Variants in GSK3B observed in about 807,000 individuals in gnomAD.
The protein encoded by GSK3B is glycogen synthase kinase-3 beta.
In GSK3B, 15 loss-of-function variants were observed where a neutral mutation model predicts 56.4. The ratio of observed to expected loss-of-function variants is 0.27; its 90% CI spans 0.18 to 0.41. The LOEUF (loss-of-function observed/expected upper bound fraction) is 0.41. Among genes scored for constraint, GSK3B ranks in the 10% least tolerant of loss-of-function variants. The pLI is 1.00. For missense variants in GSK3B, 300 were observed against 513.4 expected (o/e 0.58, Z 4.02); for synonymous variants, 181 against 188.9 (o/e 0.96, Z 0.34).
intron 1 of GSK3B, among the ~76,000 whole-genome samples, chr3:120,087,441 A>C (rs956817409): frequency 5.3e-5 from 8 of 152,086 alleles, no homozygotes; most frequent in Non-Finnish European, 1.0e-4. Flanking sequence ...CTGAGGCAGG[A>C]AAATCGCTTG....
chr3:119,863,709 G>A, intron 8 of GSK3B, 104 bp from the exon 9 acceptor site: 1 of 715,898 alleles, frequency 1.4e-6, no homozygotes, highest in East Asian at 2.7e-5. Flanking sequence ...CAGAAACATG[G>A]TTGCATTTGG....
chr3:119,965,393 G>A (rs1367327872), intron 2 of GSK3B, among the ~76,000 whole-genome samples: 1 of 147,692 alleles, frequency 6.8e-6, no homozygotes, highest in African/African-American at 2.5e-5. Context: ...ATAGAGACAA[G>A]GTCTCTATAA....
At chr3:119,831,817 A>G (rs2055605773) in intron 10 of GSK3B, among the ~76,000 whole-genome samples, 1 of 152,220 alleles carries the variant, frequency 6.6e-6, no homozygotes, top group Non-Finnish European at 1.5e-5. Context: ...CCTATAAACC[A>G]ATGCCCATTA....
intron 9 of GSK3B, among the ~76,000 whole-genome samples, chr3:119,861,455 G>A (rs557882664): frequency 8.0e-5 from 12 of 150,766 alleles, no homozygotes; most frequent in African/African-American, 2.7e-4. Context: ...AGGTTGCAGC[G>A]AGCCGGTATC....
At chr3:119,832,997 G>A in intron 10 of GSK3B, 1 of 983,206 alleles carries the variant, frequency 1.0e-6, no homozygotes, top group African/African-American at 1.7e-5. Flanking sequence ...ATCTGTAAGA[G>A]TTGGCTAGAT....
chr3:119,954,708 T>C (rs1201311120), intron 2 of GSK3B, among the ~76,000 whole-genome samples: 2 of 152,178 alleles, frequency 1.3e-5, no homozygotes, highest in Non-Finnish European at 2.9e-5. Context: ...CCAATACTCA[T>C]TAACATATAT....
At chr3:119,877,249 G>A (rs909012921) in intron 7 of GSK3B, among the ~76,000 whole-genome samples, 1 of 152,016 alleles carries the variant, frequency 6.6e-6, no homozygotes, top group South Asian at 2.1e-4. Context: ...GTTCAGTATA[G>A]CCAAAGATTA....
intron 2 of GSK3B, among the ~76,000 whole-genome samples, chr3:119,967,608 A>C (rs1275131397): frequency 6.6e-6 from 1 of 152,196 alleles, no homozygotes; most frequent in East Asian, 1.9e-4. Context: ...TAGCCAACAG[A>C]TTTTGACAAG....
In GSK3B at chr3:119,821,901, T is replaced by C. The variant is rs189438302; in HGVS notation, c.*4887A>G. ...ACTACATATTGCAGCGGCAAAATAG[T>C]AGGGTGAAGGAAGAGGGTTGGGTAC... On this transcript the variant is annotated 3_prime_UTR_variant, in exon 11 of 11. Transcript: ENST00000264235. 193 of 175,892 alleles carry C rather than the reference T, an allele frequency of 1.1e-3. 1 individual carries two copies. The highest frequency in any genetic ancestry group is 2.4e-3 in the South Asian group (12 of 5,028). 10.9% of individuals were successfully genotyped at this position (175,892 alleles called of 1,614,324 possible).
chr3:120,062,811 T>G (rs929024826), intron 1 of GSK3B, among the ~76,000 whole-genome samples: 1 of 152,178 alleles, frequency 6.6e-6, no homozygotes, highest in African/African-American at 2.4e-5. Context: ...CATAATTGAT[T>G]ACAACAATAA....
chr3:119,988,192 C>T (rs565507237), intron 2 of GSK3B, among the ~76,000 whole-genome samples: 1 of 152,320 alleles, frequency 6.6e-6, no homozygotes, highest in African/African-American at 2.4e-5. Context: ...TTGAGCATGA[C>T]AGGAATTAAT....
At chr3:120,053,102 C>T (rs1337513119) in intron 1 of GSK3B, among the ~76,000 whole-genome samples, 6 of 152,128 alleles carry the variant, frequency 3.9e-5, no homozygotes, top group Non-Finnish European at 5.9e-5. Flanking sequence ...TTTGGGAGGC[C>T]GAGGTGGGTG....
At chr3:119,857,212 ATT>A (rs1323105255) in intron 9 of GSK3B, among the ~76,000 whole-genome samples, 1 of 152,224 alleles carries the variant, frequency 6.6e-6, no homozygotes, top group African/African-American at 2.4e-5. Flanking sequence ...GGCTATGGCA[ATT>A]TCTTAAAACA....
chr3:119,951,928 C>A (rs188948131), intron 2 of GSK3B, among the ~76,000 whole-genome samples: 1 of 151,006 alleles, frequency 6.6e-6, no homozygotes, highest in African/African-American at 2.4e-5. Flanking sequence ...TTCACTATGT[C>A]CTCAAGAAAA....
At chr3:120,070,836 T>C (rs1383803881) in intron 1 of GSK3B, among the ~76,000 whole-genome samples, 1 of 152,196 alleles carries the variant, frequency 6.6e-6, no homozygotes. Context: ...GCCAACGTAG[T>C]TCAAAAGGGC....
chr3:120,019,725 G>T (rs75512142), intron 1 of GSK3B, among the ~76,000 whole-genome samples: 27 of 152,226 alleles, frequency 1.8e-4, no homozygotes, highest in Non-Finnish European at 2.5e-4. Context: ...ACACAGAAAG[G>T]CCTGCCAGAC....
intron 1 of GSK3B, among the ~76,000 whole-genome samples, chr3:120,013,439 G>T (rs188275966): frequency 1.3e-5 from 2 of 152,150 alleles, no homozygotes; most frequent in Non-Finnish European, 2.9e-5. Flanking sequence ...TATGAATAAG[G>T]TGTACTACAA....
chr3:120,001,727 C>A (rs2057678872), intron 2 of GSK3B, among the ~76,000 whole-genome samples: 1 of 152,184 alleles, frequency 6.6e-6, no homozygotes, highest in Admixed American at 6.5e-5. Context: ...CTCTGGTCTA[C>A]ATCAACACAG....
chr3:119,902,266 A>C (rs1559829555), intron 7 of GSK3B, among the ~76,000 whole-genome samples: 1 of 152,210 alleles, frequency 6.6e-6, no homozygotes, highest in East Asian at 1.9e-4. Flanking sequence ...CTAGATCAGC[A>C]TTTCTTAGGA....
Sources: allele counts gnomAD v4.1 joint callset (sites outside exome capture counted in the v4.1 genomes callset), GRCh38; gene constraint gnomAD v4.1.1; transcripts MANE v1.5; gene names NCBI Gene and HGNC (gene_info 2026-07-23, HGNC 2026-07-21).